HADH: variants seen among roughly 807,000 people sequenced by gnomAD.
HADH encodes the protein hydroxyacyl-coenzyme A dehydrogenase, mitochondrial.
HADH carries 24 observed loss-of-function variants against 32.2 expected under a neutral mutation model. The observed-to-expected ratio is 0.75, with a 90% CI of 0.54 to 1.05. The LOEUF (loss-of-function observed/expected upper bound fraction) is 1.05, where lower values mean the gene tolerates loss of function less well. Among genes scored for constraint, HADH ranks in the 50% least tolerant of loss-of-function variants. The probability of loss-of-function intolerance (pLI) is 0.00; values close to 1 mark genes in which losing one functional copy is unlikely to be tolerated. For synonymous variants in HADH, 139 were observed against 152.5 expected (o/e 0.91, Z 0.65); for missense variants, 350 against 397.1 (o/e 0.88, Z 1.01).
Position 107,990,069 on chromosome 4 carries a change from G to A in HADH, c.132+5G>A. 1 of 1,607,122 alleles carries A rather than the reference G, an allele frequency of 6.2e-7. No individual in the cohort carries two copies. Among genetic ancestry groups the A allele is most frequent in the Non-Finnish European group, 8.5e-7 (1 of 1,178,014 alleles). ...ATGGGCGCCGGCATTGCCCAGGTGA[G>A]CGGCCCTCCCTGCAGCGTGCCCACG... On this transcript the variant is annotated splice_donor_5th_base_variant and intron_variant, in intron 1 of 7. Coordinates refer to ENST00000309522, the MANE Select transcript of HADH (RefSeq NM_005327.7).
intron 2 of HADH, among the ~76,000 whole-genome samples, chr4:108,011,371 C>G (rs1173662203): frequency 6.6e-6 from 1 of 151,966 alleles, no homozygotes; most frequent in African/African-American, 2.4e-5. Context: ...TGGTAGAAGG[C>G]GAAGGAAGAA....
At chr4:108,012,792 G>T (rs1458969761) in intron 2 of HADH, among the ~76,000 whole-genome samples, 3 of 152,192 alleles carry the variant, frequency 2.0e-5, no homozygotes, top group Non-Finnish European at 4.4e-5. Flanking sequence ...AGCAGATATT[G>T]AAGAATGTTA....
intron 1 of HADH, among the ~76,000 whole-genome samples, chr4:107,995,444 G>A (rs951056163): frequency 2.0e-5 from 3 of 152,192 alleles, no homozygotes; most frequent in Non-Finnish European, 4.4e-5. Flanking sequence ...CTGATCTAGT[G>A]AGGATTTCTC....
chr4:107,998,736 T>G (rs1259356194), intron 1 of HADH, among the ~76,000 whole-genome samples: 1 of 152,086 alleles, frequency 6.6e-6, no homozygotes, highest in Non-Finnish European at 1.5e-5. Flanking sequence ...TTTTGTTTTT[T>G]TTTCTTAGTA....
At chr4:108,011,965 C>G (rs1735510693) in intron 2 of HADH, among the ~76,000 whole-genome samples, 1 of 152,014 alleles carries the variant, frequency 6.6e-6, no homozygotes, top group Admixed American at 6.5e-5. Flanking sequence ...GATCATAGTT[C>G]ACTATAGCCT....
At chr4:108,020,291 C>A (rs1383186894) in intron 4 of HADH, among the ~76,000 whole-genome samples, 2 of 152,058 alleles carry the variant, frequency 1.3e-5, no homozygotes, top group African/African-American at 4.8e-5. Flanking sequence ...GGCAACATGG[C>A]AAGACCCCAT....
intron 1 of HADH, among the ~76,000 whole-genome samples, chr4:108,003,852 T>A (rs943547374): frequency 6.6e-6 from 1 of 150,948 alleles, no homozygotes; most frequent in Admixed American, 6.6e-5. Context: ...CAAGCTATTG[T>A]GATGTGCCAG....
intron 7 of HADH, 28 bp from the exon 8 acceptor site, chr4:108,034,211 C>G (rs1736376318): frequency 7.2e-7 from 1 of 1,381,398 alleles, no homozygotes; most frequent in African/African-American, 1.4e-5. Flanking sequence ...AGCACTTCAT[C>G]CTGAGTTCTC....
At chr4:107,991,059 A>C (rs1191813061) in intron 1 of HADH, among the ~76,000 whole-genome samples, 1 of 151,828 alleles carries the variant, frequency 6.6e-6, no homozygotes, top group South Asian at 2.1e-4. Context: ...TCTTTTATCC[A>C]TTGTACATCT....
rs375067198 is a variant in HADH at position 108,007,163 on chromosome 4, G to A, written c.133-2596G>A. Reference sequence around the variant, plus strand: ...GCTCTGTCCCTCAGGCTGGAGTGCAGTGGTGCGATCTCGGCTCACTGCAAG... The same window carrying A: ...GCTCTGTCCCTCAGGCTGGAGTGCAATGGTGCGATCTCGGCTCACTGCAAG... On this transcript the variant is annotated intron_variant, in intron 1 of 7. Coordinates refer to ENST00000309522, the MANE Select transcript of HADH (RefSeq NM_005327.7). Among the ~76,000 whole-genome samples the A allele has an allele frequency of 9.2e-5, 14 of 152,302 alleles. No homozygotes were observed. The East Asian group carries it at 1.4e-3, about 15-fold the overall frequency.
intron 5 of HADH, chr4:108,025,743 G>C (rs1447371093): frequency 6.6e-6 from 1 of 152,122 alleles, no homozygotes; most frequent in Non-Finnish European, 1.5e-5. Flanking sequence ...AGCTGGGCAT[G>C]GTGGTGTGCA....
At chr4:108,015,488 T>C (rs1735663293) in intron 3 of HADH, among the ~76,000 whole-genome samples, 1 of 152,232 alleles carries the variant, frequency 6.6e-6, no homozygotes, top group African/African-American at 2.4e-5. Flanking sequence ...GAGGGGTCCC[T>C]CCCTGGGCCT....
intron 3 of HADH, among the ~76,000 whole-genome samples, chr4:108,018,516 A>G (rs748758799): frequency 1.3e-5 from 2 of 152,168 alleles, no homozygotes; most frequent in Non-Finnish European, 2.9e-5. Context: ...ACCTGGAAAG[A>G]GAAGGCTCTC....
chr4:108,004,769 A>G, intron 1 of HADH: 2 of 1,535,878 alleles, frequency 1.3e-6, no homozygotes, highest in Non-Finnish European at 1.7e-6. Context: ...AAGCAGCTGA[A>G]GAACATGTGT....
intron 5 of HADH, chr4:108,026,038 T>A (rs573702670): frequency 6.6e-6 from 1 of 152,272 alleles, no homozygotes; most frequent in South Asian, 2.1e-4. Flanking sequence ...AGTGAGTTTA[T>A]TTATTTATTT....
At chr4:107,992,779 T>A (rs1734851593) in intron 1 of HADH, among the ~76,000 whole-genome samples, 1 of 152,220 alleles carries the variant, frequency 6.6e-6, no homozygotes, top group Non-Finnish European at 1.5e-5. Context: ...ACACAGTGTC[T>A]GGCATGTAAT....
intron 3 of HADH, 73 bp downstream of exon 3, chr4:108,014,661 T>C: frequency 2.2e-6 from 3 of 1,389,022 alleles, no homozygotes; most frequent in East Asian, 2.4e-5. Context: ...TTATTTTTTG[T>C]TTTTATAGAT....
chr4:108,000,908 G>A (rs1375113336), intron 1 of HADH, among the ~76,000 whole-genome samples: 3 of 152,158 alleles, frequency 2.0e-5, no homozygotes, highest in Non-Finnish European at 4.4e-5. Flanking sequence ...CATATTCAAG[G>A]CATGTGATAA....
At chr4:108,025,239 G>A (rs946593866) in intron 5 of HADH, 1 of 152,184 alleles carries the variant, frequency 6.6e-6, no homozygotes, top group Non-Finnish European at 1.5e-5. Context: ...CATAGAAGAG[G>A]GGCATTAATG....
Sources: allele counts gnomAD v4.1 joint callset (sites outside exome capture counted in the v4.1 genomes callset), GRCh38; gene constraint gnomAD v4.1.1; transcripts MANE v1.5; gene names NCBI Gene and HGNC (gene_info 2026-07-23, HGNC 2026-07-21).